Variants in TBRG1 observed in about 807,000 individuals in gnomAD.
The protein encoded by TBRG1 is transforming growth factor beta regulator 1, also known as nuclear interactor of ARF and MDM2.
Under a neutral mutation model 44.0 loss-of-function variants are expected in TBRG1, and 31 were observed. The observed-to-expected ratio is 0.70, with a 90% CI of 0.53 to 0.95. TBRG1 has a LOEUF of 0.95. Ranked by LOEUF, TBRG1 falls within the 40% of genes least tolerant of loss-of-function variation. The probability of loss-of-function intolerance (pLI) is 0.00; values close to 1 mark genes in which losing one functional copy is unlikely to be tolerated. For synonymous variants in TBRG1, 171 were observed against 188.1 expected (o/e 0.91, Z 0.74); for missense variants, 487 against 496.1 (o/e 0.98, Z 0.18).
intron 5 of TBRG1, 21 bp downstream of exon 5, chr11:124,627,071 C>A: frequency 1.4e-6 from 2 of 1,455,810 alleles, no homozygotes; most frequent in Non-Finnish European, 1.9e-6. Context: ...TAATAATAAC[C>A]ACTGTTTGTC....
intron 5 of TBRG1, 67 bp from the exon 6 acceptor site, chr11:124,630,321 C>T: frequency 1.0e-6 from 1 of 995,626 alleles, no homozygotes; most frequent in South Asian, 1.3e-5. Context: ...GAAATATTTA[C>T]AGAGTAGTAT....
At chr11:124,632,044 T>C in intron 8 of TBRG1, 49 bp from the exon 9 acceptor site, 1 of 1,588,696 alleles carries the variant, frequency 6.3e-7, no homozygotes, top group Admixed American at 1.7e-5. Flanking sequence ...CAAAACAGTC[T>C]GCCCAGACTC....
intron 1 of TBRG1, chr11:124,623,495 A>G (rs1350671071): frequency 3.7e-6 from 2 of 536,458 alleles, no homozygotes; most frequent in Non-Finnish European, 6.9e-6. Flanking sequence ...AAGACATACC[A>G]ATAAATTTTA....
rs1369554782 is a variant in TBRG1 at position 124,635,261 on chromosome 11, G to A, written c.*3023G>A. 3 of 152,238 alleles carry A rather than the reference G, an allele frequency of 2.0e-5. No individual in the cohort carries two copies. Among genetic ancestry groups the A allele is most frequent in the Non-Finnish European group, 4.4e-5 (3 of 68,042 alleles). 9.4% of individuals were successfully genotyped at this position (152,238 alleles called of 1,614,324 possible). On this transcript the variant is annotated 3_prime_UTR_variant, in exon 9 of 9. Transcript: ENST00000441174. The stretch of plus-strand genomic sequence containing the variant: ...ATGGTTTCTATGGGGCCAGATGCAT[G>A]AGAGGTCAAAGCATGGGCAATAGGG...
chr11:124,632,249 A>C lies in TBRG1; in HGVS notation c.*11A>C. The C allele has an allele frequency of 1.2e-6, 2 of 1,607,686 alleles. No individual in the cohort carries two copies. The highest frequency in any genetic ancestry group is 1.7e-6 in the Non-Finnish European group (2 of 1,177,668). On this transcript the variant is annotated 3_prime_UTR_variant, in exon 9 of 9. Coordinates refer to ENST00000441174, the MANE Select transcript of TBRG1 (RefSeq NM_032811.3). ...CAGTCTTCAGATTGAACAAGAAGGG[A>C]TCAGATGCCACATCGTTTTTGTCGT...
At position 124,628,830 on chromosome 11, in the gene TBRG1, A is replaced by G. The variant is rs910978516; in HGVS notation, c.739-1558A>G. ...GTCTAGTATCTAGACTGCACTAGGT[A>G]CACATTTGCACCTAGAGAAATGTGC... On this transcript the variant is annotated intron_variant, in intron 5 of 8. Transcript: ENST00000441174. Among the ~76,000 whole-genome samples, 3 of 152,190 alleles carry G rather than the reference A, an allele frequency of 2.0e-5. No homozygotes were observed. The East Asian group carries it at 5.8e-4, about 29-fold the overall frequency.
rs1357912398 is a variant in TBRG1 at position 124,635,706 on chromosome 11, G to T, written c.*3468G>T. 1.3e-5 allele frequency: 2 copies of T among 152,124 alleles called. No homozygotes were observed. Among genetic ancestry groups the T allele is most frequent in the Non-Finnish European group, 2.9e-5 (2 of 68,032 alleles). The allele number at this position is 152,124 out of a possible 1,614,324, so 9.4% of individuals were successfully genotyped here. On this transcript the variant is annotated 3_prime_UTR_variant, in exon 9 of 9. Transcript: ENST00000441174. ...CTTTAGTTCTCATTTTTCACATTAA[G>T]GGGAGGAAAGCTACCCATAGATAGT...
chr11:124,625,084 C>CT (rs971365196), intron 2 of TBRG1, 83 bp downstream of exon 2: 5 of 986,600 alleles, frequency 5.1e-6, no homozygotes, highest in South Asian at 3.0e-5. Flanking sequence ...GCTCTGGAGA[C>CT]TTTTTTTCCC....
intron 5 of TBRG1, among the ~76,000 whole-genome samples, chr11:124,629,727 G>C (rs758644368): frequency 6.6e-6 from 1 of 152,132 alleles, no homozygotes; most frequent in Non-Finnish European, 1.5e-5. Context: ...TGAAGAACTA[G>C]AAACTGTTTA....
At position 124,632,418 on chromosome 11, in the gene TBRG1, TAATA is replaced by T. The variant is rs1942636239; in HGVS notation, c.*184_*187del. The T allele has an allele frequency of 2.0e-6, 1 of 497,360 alleles. No individual in the cohort carries two copies. Among genetic ancestry groups the T allele is most frequent in the Non-Finnish European group, 3.5e-6 (1 of 281,956 alleles). The allele number at this position is 497,360 out of a possible 1,614,324, so 30.8% of individuals were successfully genotyped here. On this transcript the variant is annotated 3_prime_UTR_variant, in exon 9 of 9. Transcript: ENST00000441174. Reference sequence around the variant, plus strand: ...AAACCTTCAGCTGCTTTATTTTTAGTAATAAATTTCTCTTGTCAATTCTGTTTAC... The same window carrying T: ...AAACCTTCAGCTGCTTTATTTTTAGTAATTTCTCTTGTCAATTCTGTTTAC...
In TBRG1 at chr11:124,635,388, T is replaced by G. The variant is rs1942706468; in HGVS notation, c.*3150T>G. 6.6e-6 allele frequency: 1 copy of G among 152,224 alleles called. No homozygotes were observed. Among genetic ancestry groups the G allele is most frequent in the African/African-American group, 2.4e-5 (1 of 41,452 alleles). 9.4% of individuals were successfully genotyped at this position (152,224 alleles called of 1,614,324 possible). A position where few individuals can be genotyped will look rare whatever the true frequency, so the allele number is the denominator to read the frequency against. ...TTTTAACTAAATAAAATCTTGGCAC[T>G]GACAAAGTTATTCCTGCTGTTTGGA... On this transcript the variant is annotated 3_prime_UTR_variant, in exon 9 of 9. Transcript: ENST00000441174.
At chr11:124,628,802 A>G (rs972607998) in intron 5 of TBRG1, among the ~76,000 whole-genome samples, 3 of 152,174 alleles carry the variant, frequency 2.0e-5, no homozygotes, top group African/African-American at 7.2e-5. Context: ...ATATGTCTAG[A>G]TAGTCTAGTA....
chr11:124,623,321 AG>A, intron 1 of TBRG1, 88 bp downstream of exon 1: 1 of 1,416,112 alleles, frequency 7.1e-7, no homozygotes, highest in African/African-American at 1.4e-5. Flanking sequence ...CCAGTGTGAC[AG>A]TATTAATACA....
intron 5 of TBRG1, 119 bp from the exon 6 acceptor site, chr11:124,630,269 C>A (rs538684819): frequency 1.3e-6 from 1 of 757,148 alleles, no homozygotes; most frequent in African/African-American, 1.7e-5. Context: ...ATGTGTGTCC[C>A]TTCTGAAGAT....
Position 124,623,160 on chromosome 11 carries a change from C to T in TBRG1, c.77C>T (p.Pro26Leu). ...QSSKARMKKL[P>L]KKSQNEKYRL... ...AGCAAGGCCAGGATGAAAAAGCTCC[C>T]GAAGAAGAGCCAGAATGAGAAGTAC... The change falls in exon 1 of 9, where the codon CCG becomes CTG. Residue 26 changes from proline (P) to leucine (L), a missense_variant. By Grantham distance (98) the Pro-to-Leu change is moderately conservative (BLOSUM62 -3). Transcript: ENST00000441174. 6.4e-7 allele frequency: 1 copy of T among 1,551,626 alleles called. No individual in the cohort carries two copies. Among genetic ancestry groups the T allele is most frequent in the Non-Finnish European group, 8.7e-7 (1 of 1,146,992 alleles).
At chr11:124,628,068 TA>T (rs1565400385) in intron 5 of TBRG1, among the ~76,000 whole-genome samples, 41 of 30,814 alleles carry the variant, frequency 1.3e-3, no homozygotes, top group South Asian at 0.013. Flanking sequence ...AGCTGTTTTA[TA>T]TATATATATA....
rs1942656177 is a variant in TBRG1, at chr11:124,633,558, C to G, written c.*1320C>G. ...ACTTTATAGTAATAAATCTGACCAG[C>G]AGAGGGAGGGATCAGGCAGCAGTGT... On this transcript the variant is annotated 3_prime_UTR_variant, in exon 9 of 9. Transcript: ENST00000441174. 1 of 152,320 alleles carries G rather than the reference C, an allele frequency of 6.6e-6. No individual in the cohort carries two copies. Among genetic ancestry groups the G allele is most frequent in the East Asian group, 1.9e-4 (1 of 5,184 alleles). 9.4% of individuals were successfully genotyped at this position (152,320 alleles called of 1,614,324 possible).
chr11:124,634,376 A>ATACT lies in TBRG1; in HGVS notation c.*2141_*2144dup, dbSNP rs1252587508. ...ACACCTTGAAAAACACTGCCTTAGT[A>ATACT]TACTTAAACTATCTTTTCATCTATC... On this transcript the variant is annotated 3_prime_UTR_variant, in exon 9 of 9. Transcript: ENST00000441174. The ATACT allele has an allele frequency of 6.6e-6, 1 of 152,154 alleles. No individual in the cohort carries two copies. The highest frequency in any genetic ancestry group is 2.4e-5 in the African/African-American group (1 of 41,440). 9.4% of individuals were successfully genotyped at this position (152,154 alleles called of 1,614,324 possible).
Position 124,630,916 on chromosome 11 carries a change from G to C in TBRG1, c.947+61G>C, listed in dbSNP as rs1942595865. 2.5e-6 allele frequency: 3 copies of C among 1,219,118 alleles called. No individual in the cohort carries two copies. The Admixed American group carries it at 5.9e-5, about 24-fold the overall frequency. 75.5% of individuals were successfully genotyped at this position (1,219,118 alleles called of 1,614,324 possible). A position where few individuals can be genotyped will look rare whatever the true frequency, so the allele number is the denominator to read the frequency against. ...TCAGTGATCATCCGGCCAGGGACTG[G>C]CAGTTCCTACTTTGTTCACTGACCT... On this transcript the variant is annotated intron_variant, in intron 7 of 8. Transcript: ENST00000441174.
Sources: gnomAD v4.1 joint callset for allele counts (sites outside exome capture counted in the v4.1 genomes callset) on GRCh38, gnomAD v4.1.1 for gene constraint, MANE v1.5 for transcripts, NCBI Gene and HGNC (gene_info 2026-07-23, HGNC 2026-07-21) for gene names.